YPEL1: variants seen among roughly 807,000 people sequenced by gnomAD.
YPEL1 encodes the protein yippee like 1, also known as protein yippee-like 1.
Under a neutral mutation model 17.3 loss-of-function variants are expected in YPEL1, and 7 were observed. The observed-to-expected ratio is 0.40, with a 90% CI of 0.23 to 0.76. The LOEUF (loss-of-function observed/expected upper bound fraction) is 0.76. Ranked by LOEUF, YPEL1 falls within the 30% of genes least tolerant of loss-of-function variation. YPEL1 has a pLI of 0.35. For synonymous variants in YPEL1, 59 were observed against 59.6 expected, an observed-to-expected ratio of 0.99 and a Z score of 0.05; for missense variants, 91 against 155.5, an observed-to-expected ratio of 0.59 and a Z score of 2.21.
At position 21,702,456 on chromosome 22, in the gene YPEL1, G is replaced by C. The variant is rs57965798; in HGVS notation, c.270+914C>G. ...AGGAATTCAGGAAAGAGGCAGAGCAGGTGGCCTGGACCCGAAGAACACCAG... is the reference window on the plus strand; with the variant it reads ...AGGAATTCAGGAAAGAGGCAGAGCACGTGGCCTGGACCCGAAGAACACCAG... On this transcript the variant is annotated intron_variant, in intron 4 of 4. Coordinates refer to ENST00000339468, the MANE Select transcript of YPEL1 (RefSeq NM_013313.5). 1.9e-3 allele frequency among the ~76,000 whole-genome samples: 292 copies of C among 152,330 alleles called. 4 individuals carry two copies. The East Asian group carries it at 0.049, about 26-fold the overall frequency.
chr22:21,728,825 C>T (rs1024094642), intron 1 of YPEL1, among the ~76,000 whole-genome samples: 1 of 152,156 alleles, frequency 6.6e-6, no homozygotes, highest in African/African-American at 2.4e-5. Context: ...GCTTGGGCAA[C>T]ATGGTGAAAC....
rs766360593 is a variant in YPEL1 at position 21,703,892 on chromosome 22, G to C, written c.118-10C>G. 35 of 1,593,186 alleles carry C rather than the reference G, an allele frequency of 2.2e-5. No individual in the cohort carries two copies. In the Admixed American group the frequency reaches 6.2e-4, roughly 28 times the overall value. On this transcript the variant is annotated splice_polypyrimidine_tract_variant and intron_variant, in intron 2 of 4. Transcript: ENST00000339468. The surrounding 1 kb of genome is among the most constrained non-coding windows in gnomAD (Gnocchi z 6.1). ...GGCTCCCCTGAAAGGACTGAAAGAA[G>C]AAGGTCCCGTGAGATTGGCTGCGAG...
intron 1 of YPEL1, among the ~76,000 whole-genome samples, chr22:21,732,964 T>A (rs570167406): frequency 6.6e-6 from 1 of 151,938 alleles, no homozygotes; most frequent in African/African-American, 2.4e-5. Context: ...ATTTTTTTTT[T>A]ATATAGCTGG....
chr22:21,719,926 C>A (rs754082935), intron 1 of YPEL1, among the ~76,000 whole-genome samples: 1 of 150,988 alleles, frequency 6.6e-6, no homozygotes, highest in African/African-American at 2.4e-5. Flanking sequence ...GTGGGAGAAT[C>A]GTTTGAACCT....
In YPEL1 at chr22:21,714,417, G is replaced by A. The variant is rs115881002; in HGVS notation, c.-164-3509C>T. ...CCTGAGCCACACTGCTGCGTGTTCCGTGTTTTGAACTTGACACCGACGATG... is the reference window on the plus strand; with the variant it reads ...CCTGAGCCACACTGCTGCGTGTTCCATGTTTTGAACTTGACACCGACGATG... On this transcript the variant is annotated intron_variant, in intron 1 of 4. Transcript: ENST00000339468. Among the ~76,000 whole-genome samples the A allele has an allele frequency of 4.6e-3, 706 of 152,284 alleles. 6 individuals are homozygous for A. Among genetic ancestry groups the A allele is most frequent in the African/African-American group, 0.016 (669 of 41,566 alleles).
intron 1 of YPEL1, among the ~76,000 whole-genome samples, chr22:21,724,137 C>T (rs2068310200): frequency 6.6e-6 from 1 of 152,216 alleles, no homozygotes; most frequent in Admixed American, 6.5e-5. Flanking sequence ...GACAGCACAG[C>T]AGCAGTTCCT....
chr22:21,717,176 G>C (rs2068233647), intron 1 of YPEL1, among the ~76,000 whole-genome samples: 1 of 152,066 alleles, frequency 6.6e-6, no homozygotes, highest in African/African-American at 2.4e-5. Flanking sequence ...AGGAGTTCGA[G>C]ACCAGCCTGG....
chr22:21,703,467 C>G lies in YPEL1; in HGVS notation c.173G>C (p.Gly58Ala). ...GACCCTCTCCTCTGCAGGGCCGCAG[C>G]CCACGTTCACCCTGCGGGGACAGAG... Reference protein sequence around the residue: ...AYLFNSVVNVGCGPAEERVLL... With the variant: ...AYLFNSVVNVACGPAEERVLL... Residue 58 changes from glycine (G) to alanine (A), a missense_variant, in exon 4 of 5, where the codon GGC (glycine) becomes GCC (alanine). Transcript: ENST00000339468. This position sits in a 1 kb window ranked among gnomAD's most constrained non-coding sequence, Gnocchi z 6.1. 1 of 1,609,606 alleles carries G rather than the reference C, an allele frequency of 6.2e-7. No homozygotes were observed. The highest frequency in any genetic ancestry group is 8.5e-7 in the Non-Finnish European group (1 of 1,179,834).
At chr22:21,724,959 G>A (rs938885949) in intron 1 of YPEL1, among the ~76,000 whole-genome samples, 1 of 150,692 alleles carries the variant, frequency 6.6e-6, no homozygotes, top group African/African-American at 2.4e-5. Flanking sequence ...CCAGGCTCGA[G>A]TGCAATGGTG....
chr22:21,731,331 CAA>C (rs35487299), intron 1 of YPEL1, among the ~76,000 whole-genome samples: 23 of 141,500 alleles, frequency 1.6e-4, no homozygotes, highest in Non-Finnish European at 1.5e-4. Context: ...GACCCTGTGT[CAA>C]AAAAAAAAAA....
intron 4 of YPEL1, 138 bp from the exon 5 acceptor site, chr22:21,701,356 C>T: frequency 3.3e-6 from 2 of 602,584 alleles, no homozygotes; most frequent in Non-Finnish European, 5.8e-6. Context: ...ACTCATCCGG[C>T]GCTGGGAGGG....
At chr22:21,726,651 T>G (rs1441314048) in intron 1 of YPEL1, among the ~76,000 whole-genome samples, 1 of 152,074 alleles carries the variant, frequency 6.6e-6, no homozygotes, top group African/African-American at 2.4e-5. Context: ...CTGTAACTGT[T>G]CTCTATTTGC....
chr22:21,700,278 C>T lies in YPEL1; in HGVS notation c.*851G>A, dbSNP rs1362396648. On this transcript the variant is annotated 3_prime_UTR_variant, in exon 5 of 5. Coordinates refer to ENST00000339468, the MANE Select transcript of YPEL1 (RefSeq NM_013313.5). The stretch of plus-strand genomic sequence containing the variant: ...TGGTGAGACTTGCTATCTAAAGAGA[C>T]CCTGTCCCTGTGGTCTTCAGAGACT... 1 of 152,212 alleles carries T rather than the reference C, an allele frequency of 6.6e-6. No individual in the cohort carries two copies. The allele number at this position is 152,212 out of a possible 1,614,324, so 9.4% of individuals were successfully genotyped here. A position where few individuals can be genotyped will look rare whatever the true frequency, so the allele number is the denominator to read the frequency against.
Position 21,698,598 on chromosome 22 carries a change from A to T in YPEL1, c.*2531T>A, listed in dbSNP as rs1328201825. 6.6e-6 allele frequency: 1 copy of T among 152,338 alleles called. No homozygotes were observed. Among genetic ancestry groups the T allele is most frequent in the Non-Finnish European group, 1.5e-5 (1 of 68,028 alleles). The allele number at this position is 152,338 out of a possible 1,614,324, so 9.4% of individuals were successfully genotyped here. A position where few individuals can be genotyped will look rare whatever the true frequency, so the allele number is the denominator to read the frequency against. ...CCACATGGGAGAGGAATGAAGACTC[A>T]CTCAAAGGGAAGGGTCAGTTTAAGA... is the stretch of plus-strand genomic sequence containing the variant. On this transcript the variant is annotated 3_prime_UTR_variant, in exon 5 of 5. Transcript: ENST00000339468.
rs758342327 is a variant in YPEL1, at chr22:21,701,201, G to A, written c.288C>T (p.Ser96=). ...LGWKYEHAFE[S]SQKYKEGKFI... The stretch of plus-strand genomic sequence containing the variant: ...ATTTTCCTTCCTTATATTTCTGACT[G>A]CTCTCAAAGGCATGCTCCTTGAAAA... The change falls in exon 5 of 5, where the codon AGC becomes AGT. Residue 96 remains serine (S), a synonymous_variant. Coordinates refer to ENST00000339468, the MANE Select transcript of YPEL1 (RefSeq NM_013313.5). 2 of 1,613,576 alleles carry A rather than the reference G, an allele frequency of 1.2e-6. No homozygotes were observed. The highest frequency in any genetic ancestry group is 1.7e-6 in the Non-Finnish European group (2 of 1,179,556).
rs1158903612 is a variant in YPEL1 at position 21,703,626 on chromosome 22, C to G, written c.162-148G>C. 2 of 843,664 alleles carry G rather than the reference C, an allele frequency of 2.4e-6. No individual in the cohort carries two copies. The highest frequency in any genetic ancestry group is 3.7e-6 in the Non-Finnish European group (2 of 540,716). 52.3% of individuals were successfully genotyped at this position (843,664 alleles called of 1,614,324 possible). A position where few individuals can be genotyped will look rare whatever the true frequency, so the allele number is the denominator to read the frequency against. The stretch of plus-strand genomic sequence containing the variant: ...GCAGTGCCGTGCCTCTCCCCCAGCC[C>G]TGCCCGCCACCACCATCAATGGGAA... On this transcript the variant is annotated intron_variant, in intron 3 of 4. Transcript: ENST00000339468. This position sits in a 1 kb window ranked among gnomAD's most constrained non-coding sequence, Gnocchi z 6.1.
At position 21,703,430 on chromosome 22, in the gene YPEL1, C is replaced by A; in HGVS notation, c.210G>T (p.Gly70=). The change falls in exon 4 of 5, where the codon GGG becomes GGT. Residue 70 remains glycine (G), a synonymous_variant. Coordinates refer to ENST00000339468, the MANE Select transcript of YPEL1 (RefSeq NM_013313.5). The surrounding 1 kb of genome is among the most constrained non-coding windows in gnomAD (Gnocchi z 6.1). ...GPAEERVLLT[G]LHAVADIYCE... is the part of the protein sequence containing the mutation. ...AGTAGATGTCGGCAACCGCATGCAGCCCGGTGAGAAGGACCCTCTCCTCTG... is the reference window on the plus strand; with the variant it reads ...AGTAGATGTCGGCAACCGCATGCAGACCGGTGAGAAGGACCCTCTCCTCTG... 1 of 1,613,040 alleles carries A rather than the reference C, an allele frequency of 6.2e-7. No homozygotes were observed. Among genetic ancestry groups the A allele is most frequent in the South Asian group, 1.1e-5 (1 of 91,084 alleles).
chr22:21,702,191 G>A lies in YPEL1; in HGVS notation c.271-973C>T, dbSNP rs576070691. ...CTGCCTACCCAAGCGGCAGCCCCAGGTGTGGCAGACACAGGAAGGACTGTG... is the reference window on the plus strand; with the variant it reads ...CTGCCTACCCAAGCGGCAGCCCCAGATGTGGCAGACACAGGAAGGACTGTG... On this transcript the variant is annotated intron_variant, in intron 4 of 4. Transcript: ENST00000339468. Among the ~76,000 whole-genome samples, 11 of 152,332 alleles carry A rather than the reference G, an allele frequency of 7.2e-5. No homozygotes were observed. The South Asian group carries it at 2.3e-3, about 32-fold the overall frequency.
At position 21,701,190 on chromosome 22, in the gene YPEL1, T is replaced by C; in HGVS notation, c.299A>G (p.Tyr100Cys). 6.2e-7 allele frequency: 1 copy of C among 1,614,058 alleles called. No homozygotes were observed. The highest frequency in any genetic ancestry group is 8.5e-7 in the Non-Finnish European group (1 of 1,179,922). ...CTCAATGATGAATTTTCCTTCCTTATATTTCTGACTGCTCTCAAAGGCATG... is the reference window on the plus strand; with the variant it reads ...CTCAATGATGAATTTTCCTTCCTTACATTTCTGACTGCTCTCAAAGGCATG... ...YEHAFESSQKYKEGKFIIELA... is the reference protein window; with the variant it reads ...YEHAFESSQKCKEGKFIIELA... The change falls in exon 5 of 5, where the codon TAT becomes TGT. Residue 100 changes from tyrosine (Y) to cysteine (C), a missense_variant. Tyr to Cys is a radical substitution (Grantham distance 194). Coordinates refer to ENST00000339468, the MANE Select transcript of YPEL1 (RefSeq NM_013313.5).
Sources: allele counts gnomAD v4.1 joint callset (sites outside exome capture counted in the v4.1 genomes callset), GRCh38; gene constraint gnomAD v4.1.1; non-coding constraint Gnocchi (gnomAD v3.1); transcripts MANE v1.5; gene names NCBI Gene and HGNC (gene_info 2026-07-23, HGNC 2026-07-21).